The following CACNA2D1 variants were observed in gnomAD, a reference collection of about 807,000 sequenced individuals.
The protein encoded by CACNA2D1 is voltage-dependent calcium channel subunit alpha-2/delta-1.
In CACNA2D1, 53 loss-of-function variants were observed where a neutral mutation model predicts 171.5. The ratio of observed to expected loss-of-function variants is 0.31; its 90% CI spans 0.25 to 0.39. The LOEUF is 0.39. Among genes scored for constraint, CACNA2D1 ranks in the 10% least tolerant of loss-of-function variants. CACNA2D1 has a pLI of 1.00. For missense variants in CACNA2D1, 903 were observed against 1,299.8 expected, an observed-to-expected ratio of 0.69 and a Z score of 4.69; for synonymous variants, 442 against 443.1, an observed-to-expected ratio of 1.00 and a Z score of 0.03.
chr7:82,065,342 GC>G (rs1807479144), intron 8 of CACNA2D1, among the ~76,000 whole-genome samples: 1 of 152,100 alleles, frequency 6.6e-6, no homozygotes, highest in Non-Finnish European at 1.5e-5. Context: ...GTATCTTAAT[GC>G]TGGTCCAGGT....
At chr7:82,035,755 A>G (rs986925166) in intron 11 of CACNA2D1, among the ~76,000 whole-genome samples, 10 of 152,198 alleles carry the variant, frequency 6.6e-5, no homozygotes, top group Non-Finnish European at 1.5e-4. Context: ...GCCAAGATCA[A>G]GGAAACTCAA....
chr7:82,028,482 C>T (rs1254204211), intron 12 of CACNA2D1: 1 of 151,760 alleles, frequency 6.6e-6, no homozygotes, highest in Non-Finnish European at 1.5e-5. Flanking sequence ...ACTTTCAAGT[C>T]TTATTAATTA....
At chr7:82,385,156 T>C (rs1396208184) in intron 1 of CACNA2D1, among the ~76,000 whole-genome samples, 1 of 152,224 alleles carries the variant, frequency 6.6e-6, no homozygotes, top group Admixed American at 6.5e-5. Context: ...CACGATTGTA[T>C]GTTGCTCAGC....
At position 81,973,927 on chromosome 7, in the gene CACNA2D1, C is replaced by T. The variant is rs191258775; in HGVS notation, c.2053+528G>A. Among the ~76,000 whole-genome samples, 488 of 151,756 alleles carry T rather than the reference C, an allele frequency of 3.2e-3. 1 individual carries two copies. The highest frequency in any genetic ancestry group is 4.1e-3 in the Non-Finnish European group (275 of 67,898). On this transcript the variant is annotated intron_variant, in intron 25 of 38. Coordinates refer to ENST00000356860, the MANE Select transcript of CACNA2D1 (RefSeq NM_000722.4). ...TGTTGTCTATTTTAATTTGATTTACCTCATAAATGAAAAATTACAGAAGCA... is the reference window on the plus strand; with the variant it reads ...TGTTGTCTATTTTAATTTGATTTACTTCATAAATGAAAAATTACAGAAGCA...
intron 3 of CACNA2D1, among the ~76,000 whole-genome samples, chr7:82,198,601 G>C (rs781096676): frequency 6.6e-6 from 1 of 151,616 alleles, no homozygotes; most frequent in Non-Finnish European, 1.5e-5. Flanking sequence ...ATCTAACTTG[G>C]TTTAAGAATA....
intron 3 of CACNA2D1, among the ~76,000 whole-genome samples, chr7:82,323,736 C>T (rs1311435114): frequency 6.6e-6 from 1 of 152,106 alleles, no homozygotes; most frequent in Non-Finnish European, 1.5e-5. Context: ...CCCAACACTC[C>T]CTTTCCCCCA....
chr7:82,382,584 C>A (rs551643276), intron 1 of CACNA2D1, among the ~76,000 whole-genome samples: 1 of 151,948 alleles, frequency 6.6e-6, no homozygotes, highest in South Asian at 2.1e-4. Flanking sequence ...GGGCAGTGGG[C>A]GGGATGGCAG....
Position 82,443,735 on chromosome 7 carries a change from A to G in CACNA2D1, c.-276T>C. 8.2e-7 allele frequency: 1 copy of G among 1,222,612 alleles called. No individual in the cohort carries two copies. Among genetic ancestry groups the G allele is most frequent in the African/African-American group, 1.6e-5 (1 of 64,116 alleles). The allele number at this position is 1,222,612 out of a possible 1,614,324, so 75.7% of individuals were successfully genotyped here. A position where few individuals can be genotyped will look rare whatever the true frequency, so the allele number is the denominator to read the frequency against. ...CCGCCGCCATCAAGGGCGACTTTGG[A>G]AACAGACCTCGGCGAGCCCGCCGGC... On this transcript the variant is annotated 5_prime_UTR_variant, in exon 1 of 39. Transcript: ENST00000356860.
intron 3 of CACNA2D1, among the ~76,000 whole-genome samples, chr7:82,276,892 G>A (rs909197079): frequency 6.6e-6 from 1 of 151,708 alleles, no homozygotes; most frequent in Non-Finnish European, 1.5e-5. Context: ...TGGACTACAG[G>A]CAACCACCAC....
intron 1 of CACNA2D1, among the ~76,000 whole-genome samples, chr7:82,414,867 T>C (rs1012105835): frequency 3.9e-5 from 6 of 152,222 alleles, no homozygotes; most frequent in African/African-American, 1.4e-4. Flanking sequence ...TACTCATTCA[T>C]ACTTATAATC....
At chr7:82,405,260 G>A (rs1308748413) in intron 1 of CACNA2D1, among the ~76,000 whole-genome samples, 1 of 151,972 alleles carries the variant, frequency 6.6e-6, no homozygotes, top group African/African-American at 2.4e-5. Flanking sequence ...AAAAATAGAT[G>A]GTTAACACAC....
At chr7:82,140,712 T>C (rs1792264845) in intron 4 of CACNA2D1, among the ~76,000 whole-genome samples, 1 of 152,084 alleles carries the variant, frequency 6.6e-6, no homozygotes, top group Non-Finnish European at 1.5e-5. Flanking sequence ...TCCCAGCAGT[T>C]TGGGAGGCCG....
intron 10 of CACNA2D1, among the ~76,000 whole-genome samples, chr7:82,047,510 G>T (rs10234300): frequency 0.12 from 18,300 of 152,048 alleles, 1,413 homozygotes; most frequent in African/African-American, 0.22. Context: ...CTACAATACT[G>T]ATCATATGAG....
intron 3 of CACNA2D1, among the ~76,000 whole-genome samples, chr7:82,255,873 G>T (rs38560): frequency 1.4e-3 from 219 of 152,134 alleles, no homozygotes; most frequent in African/African-American, 5.0e-3. Context: ...AGTCAAGTTA[G>T]TGAAATAGTC....
At chr7:82,061,096 C>T (rs1036581722) in intron 9 of CACNA2D1, among the ~76,000 whole-genome samples, 1 of 152,152 alleles carries the variant, frequency 6.6e-6, no homozygotes, top group Non-Finnish European at 1.5e-5. Context: ...GGCAACTAAC[C>T]CCCACTTCTA....
Position 82,170,608 on chromosome 7 carries a change from C to A in CACNA2D1, c.296G>T (p.Arg99Leu), listed in dbSNP as rs562957992. The A allele has an allele frequency of 6.2e-7, 1 of 1,612,182 alleles. No individual in the cohort carries two copies. Among genetic ancestry groups the A allele is most frequent in the Non-Finnish European group, 8.5e-7 (1 of 1,178,792 alleles). Residue 99 changes from arginine to leucine, a missense_variant and splice_region_variant, in exon 4 of 39, where the codon CGC (arginine) becomes CTC (leucine). Coordinates refer to ENST00000356860, the MANE Select transcript of CACNA2D1 (RefSeq NM_000722.4). ...LLSNRSKALV[R>L]LALEAEKVQA... is the part of the protein sequence containing the mutation. ...AACTTTCTCCGCTTCCAATGCCAGG[C>A]GCTGAAAAACAAACAATAAATCTTA...
chr7:82,174,253 C>G (rs1468958268), intron 3 of CACNA2D1, among the ~76,000 whole-genome samples: 1 of 151,380 alleles, frequency 6.6e-6, no homozygotes, highest in Admixed American at 6.6e-5. Context: ...AGACTGAGCA[C>G]CACACAGAAA....
chr7:82,357,934 AC>A (rs1820647208), intron 1 of CACNA2D1, among the ~76,000 whole-genome samples: 1 of 151,744 alleles, frequency 6.6e-6, no homozygotes, highest in Non-Finnish European at 1.5e-5. Context: ...AGATGTCTGT[AC>A]CACTCGGAGC....
At chr7:82,415,694 T>A (rs550465980) in intron 1 of CACNA2D1, among the ~76,000 whole-genome samples, 1 of 151,958 alleles carries the variant, frequency 6.6e-6, no homozygotes, top group South Asian at 2.1e-4. Context: ...CTTAATGCAC[T>A]GCATCTTTTT....
Sources: gnomAD v4.1 joint callset for allele counts (sites outside exome capture counted in the v4.1 genomes callset) on GRCh38, gnomAD v4.1.1 for gene constraint, MANE v1.5 for transcripts, NCBI Gene and HGNC (gene_info 2026-07-23, HGNC 2026-07-21) for gene names.